CTDSPL2: variants seen among roughly 807,000 people sequenced by gnomAD.
CTDSPL2 encodes the protein CTD small phosphatase-like protein 2.
A neutral mutation model predicts 60.0 loss-of-function variants in CTDSPL2; 5 were observed. The observed-to-expected ratio is 0.08, with a 90% CI of 0.04 to 0.18. CTDSPL2 has a LOEUF of 0.18. CTDSPL2 is among the 10% of genes least tolerant of loss of function. The probability of loss-of-function intolerance (pLI) is 1.00; values close to 1 mark genes in which losing one functional copy is unlikely to be tolerated. For missense variants in CTDSPL2, 370 were observed against 548.8 expected (o/e 0.67, Z 3.26); for synonymous variants, 186 against 189.3 (o/e 0.98, Z 0.14).
chr15:44,510,302 A>G (rs1453552646), intron 8 of CTDSPL2, among the ~76,000 whole-genome samples: 3 of 152,130 alleles, frequency 2.0e-5, no homozygotes, highest in African/African-American at 7.2e-5. Flanking sequence ...CTGGCACCAC[A>G]ACACTCTTTT....
At chr15:44,467,002 A>G (rs139105395) in intron 2 of CTDSPL2, among the ~76,000 whole-genome samples, 15 of 152,196 alleles carry the variant, frequency 9.9e-5, no homozygotes, top group African/African-American at 3.1e-4. Context: ...TTGTAACACA[A>G]TGTTAAGTAT....
intron 10 of CTDSPL2, among the ~76,000 whole-genome samples, chr15:44,515,797 C>T (rs1402384764): frequency 2.6e-5 from 4 of 152,130 alleles, no homozygotes; most frequent in African/African-American, 7.2e-5. Flanking sequence ...CGCTTGAACC[C>T]GGAAGGCGGA....
intron 8 of CTDSPL2, among the ~76,000 whole-genome samples, chr15:44,507,686 AAC>A (rs1358883618): frequency 6.6e-6 from 1 of 152,204 alleles, no homozygotes; most frequent in East Asian, 1.9e-4. Flanking sequence ...AGTTTACTGA[AAC>A]AGTTTGTTAT....
intron 8 of CTDSPL2, among the ~76,000 whole-genome samples, chr15:44,507,123 C>T (rs2081482918): frequency 6.6e-6 from 1 of 150,564 alleles, no homozygotes; most frequent in Non-Finnish European, 1.5e-5. Flanking sequence ...GCTACTCTGT[C>T]GCCCAGGCTA....
intron 1 of CTDSPL2, among the ~76,000 whole-genome samples, chr15:44,436,139 T>C (rs2079978449): frequency 6.6e-6 from 1 of 152,226 alleles, no homozygotes; most frequent in African/African-American, 2.4e-5. Flanking sequence ...CTGCTACTTT[T>C]GAAAATGTCA....
intron 1 of CTDSPL2, chr15:44,448,078 T>C: frequency 4.1e-6 from 1 of 243,976 alleles, no homozygotes; most frequent in Non-Finnish European, 8.4e-6. Flanking sequence ...GGCCATGTGA[T>C]CCATCATGGG....
At chr15:44,432,573 G>A (rs1279119985) in intron 1 of CTDSPL2, among the ~76,000 whole-genome samples, 1 of 148,000 alleles carries the variant, frequency 6.8e-6, no homozygotes, top group Non-Finnish European at 1.5e-5. Flanking sequence ...GCCCACTTTG[G>A]CGTCCCAAAG....
chr15:44,497,871 C>A (rs1036203985), intron 7 of CTDSPL2, among the ~76,000 whole-genome samples: 8 of 152,156 alleles, frequency 5.3e-5, no homozygotes, highest in African/African-American at 1.9e-4. Flanking sequence ...GTGATACACA[C>A]CTGTAATCTC....
chr15:44,462,137 C>T (rs544223103), intron 2 of CTDSPL2, among the ~76,000 whole-genome samples: 2 of 152,272 alleles, frequency 1.3e-5, no homozygotes, highest in Non-Finnish European at 2.9e-5. Context: ...AGAGGCAAGG[C>T]TTCACCGTGT....
intron 5 of CTDSPL2, among the ~76,000 whole-genome samples, chr15:44,492,637 T>A (rs1167451707): frequency 6.6e-6 from 1 of 152,232 alleles, no homozygotes; most frequent in Non-Finnish European, 1.5e-5. Context: ...AACTTCTATA[T>A]AATGCAATCC....
chr15:44,456,978 G>C (rs1353635805), intron 1 of CTDSPL2, among the ~76,000 whole-genome samples: 1 of 150,894 alleles, frequency 6.6e-6, no homozygotes, highest in African/African-American at 2.4e-5. Flanking sequence ...CTGGGCTTCA[G>C]TGATCCTTCC....
At position 44,519,200 on chromosome 15, in the gene CTDSPL2, G is replaced by T; in HGVS notation, c.1144G>T (p.Val382Leu). ...GCTTTTCCGTGAACATTGTGTTTGT[G>T]TACAAGGAAACTATATAAAGGACTT... ...HRLFREHCVCVQGNYIKDLNI... is the reference protein window; with the variant it reads ...HRLFREHCVCLQGNYIKDLNI... The change falls in exon 11 of 13, where the codon GTA (valine) becomes TTA (leucine). Residue 382 changes from valine (V) to leucine (L), a missense_variant. This residue lies in a region of CTDSPL2 where 46 missense variants were observed against 126.0 expected (regional missense o/e 0.37). Coordinates refer to ENST00000260327, the MANE Select transcript of CTDSPL2 (RefSeq NM_016396.3). The T allele has an allele frequency of 1.3e-6, 2 of 1,520,406 alleles. No homozygotes were observed. Among genetic ancestry groups the T allele is most frequent in the Non-Finnish European group, 1.8e-6 (2 of 1,142,596 alleles). The allele number at this position is 1,520,406 out of a possible 1,614,324, so 94.2% of individuals were successfully genotyped here.
At chr15:44,436,701 T>C (rs1226870828) in intron 1 of CTDSPL2, among the ~76,000 whole-genome samples, 3 of 152,244 alleles carry the variant, frequency 2.0e-5, no homozygotes, top group African/African-American at 7.2e-5. Flanking sequence ...ATGCATGTAT[T>C]ATTTTTTATA....
intron 1 of CTDSPL2, among the ~76,000 whole-genome samples, chr15:44,430,477 C>T (rs2079834478): frequency 6.6e-6 from 1 of 151,890 alleles, no homozygotes; most frequent in Non-Finnish European, 1.5e-5. Flanking sequence ...CAACTCCTGG[C>T]TACAAGCAAT....
intron 1 of CTDSPL2, among the ~76,000 whole-genome samples, chr15:44,453,617 T>G (rs2080375666): frequency 8.3e-6 from 1 of 119,884 alleles, no homozygotes; most frequent in South Asian, 2.9e-4. Flanking sequence ...GATATTCCCC[T>G]TCCTGTGTCC....
At chr15:44,477,655 G>A (rs1451720687) in intron 2 of CTDSPL2, among the ~76,000 whole-genome samples, 1 of 151,952 alleles carries the variant, frequency 6.6e-6, no homozygotes, top group East Asian at 1.9e-4. Flanking sequence ...TGACCAACAT[G>A]GAGAAACCCT....
At chr15:44,458,932 A>G in intron 1 of CTDSPL2, 59 bp from the exon 2 acceptor site, 1 of 1,157,622 alleles carries the variant, frequency 8.6e-7, no homozygotes, top group Non-Finnish European at 1.2e-6. Flanking sequence ...ATTTGGGTAG[A>G]GAAGGTTGAA....
intron 1 of CTDSPL2, among the ~76,000 whole-genome samples, chr15:44,452,222 A>G (rs1306052411): frequency 6.6e-6 from 1 of 152,206 alleles, no homozygotes; most frequent in Non-Finnish European, 1.5e-5. Context: ...CATTTCTCCA[A>G]GGCAAAATCT....
At chr15:44,458,966 TAC>T (rs2140695666) in intron 1 of CTDSPL2, 23 bp from the exon 2 acceptor site, 1 of 1,364,214 alleles carries the variant, frequency 7.3e-7, no homozygotes, top group Admixed American at 2.6e-5. Context: ...AATTTTTTAT[TAC>T]ATTTATTATT....
Sources: gnomAD v4.1 joint callset for allele counts (sites outside exome capture counted in the v4.1 genomes callset) on GRCh38, gnomAD v4.1.1 for gene constraint, gnomAD v4.1.1 regional missense constraint, MANE v1.5 for transcripts, NCBI Gene and HGNC (gene_info 2026-07-23, HGNC 2026-07-21) for gene names.